MMP9: variants seen among roughly 807,000 people sequenced by gnomAD.
MMP9 encodes matrix metalloproteinase-9.
A neutral mutation model predicts 76.4 loss-of-function variants in MMP9; 73 were observed. The observed-to-expected ratio is 0.96, with a 90% CI of 0.79 to 1.16. The LOEUF (loss-of-function observed/expected upper bound fraction) is 1.16, where lower values mean the gene tolerates loss of function less well. Among genes scored for constraint, MMP9 ranks in the 50% most tolerant of loss-of-function variants. The probability of loss-of-function intolerance (pLI) is 0.00; values close to 1 mark genes in which losing one functional copy is unlikely to be tolerated. For missense variants in MMP9, 943 were observed against 973.0 expected (o/e 0.97, Z 0.41); for synonymous variants, 412 against 408.4 (o/e 1.01, Z -0.11).
rs1378687282 is a variant in MMP9, at chr20:46,014,385, C to T, written c.1916C>T (p.Ala639Val). ...GRRLWRFDVK[A>V]QMVDPRSASE... ...CCTGCCCGCAGGTTCGACGTGAAGG[C>T]GCAGATGGTGGATCCCCGGAGCGCC... The change falls in exon 12 of 13, where the codon GCG becomes GTG. Residue 639 changes from alanine to valine, a missense_variant. Physicochemically the swap from Ala to Val is moderately conservative, Grantham distance 64. Transcript: ENST00000372330. 3 of 1,548,750 alleles carry T rather than the reference C, an allele frequency of 1.9e-6. No homozygotes were observed. Among genetic ancestry groups the T allele is most frequent in the Admixed American group, 3.9e-5 (2 of 50,998 alleles).
At chr20:46,011,483 A>C in intron 5 of MMP9, 91 bp from the exon 6 acceptor site, 2 of 1,573,254 alleles carry the variant, frequency 1.3e-6, no homozygotes, top group Non-Finnish European at 1.7e-6. Flanking sequence ...TGAACTGCAG[A>C]CCATCCATGG....
chr20:46,010,420 G>T, intron 2 of MMP9, 63 bp from the exon 3 acceptor site: 1 of 1,589,044 alleles, frequency 6.3e-7, no homozygotes, highest in East Asian at 2.2e-5. Flanking sequence ...GATATGGGGT[G>T]TCCCTGCTGC....
chr20:46,014,491 A>G lies in MMP9; in HGVS notation c.2005+17A>G, dbSNP rs1425090630. 1.3e-6 allele frequency: 2 copies of G among 1,547,676 alleles called. No homozygotes were observed. The highest frequency in any genetic ancestry group is 1.2e-5 in the South Asian group (1 of 84,028). On this transcript the variant is annotated intron_variant, in intron 12 of 12. Coordinates refer to ENST00000372330, the MANE Select transcript of MMP9 (RefSeq NM_004994.3). ...AGTACCGAGGTGAGGGCTGAGGAGG[A>G]TCCCTTCGTGAGACACCACACTAAG...
intron 8 of MMP9, 36 bp downstream of exon 8, chr20:46,012,618 A>G: frequency 2.9e-6 from 4 of 1,367,556 alleles, no homozygotes; most frequent in Non-Finnish European, 2.0e-6. Flanking sequence ...AGGAGGGGAA[A>G]GGGCGTGGCT....
chr20:46,013,523 G>T lies in MMP9; in HGVS notation c.1599G>T (p.Leu533Phe). Reference protein sequence around the residue: ...AIAEIGNQLYLFKDGKYWRFS... With the variant: ...AIAEIGNQLYFFKDGKYWRFS... ...CGGAGATTGGGAACCAGCTGTATTTGTTCAAGGATGGGTGAGGAGGCGGGG... is the reference window on the plus strand; with the variant it reads ...CGGAGATTGGGAACCAGCTGTATTTTTTCAAGGATGGGTGAGGAGGCGGGG... Residue 533 changes from leucine to phenylalanine, a missense_variant, in exon 9 of 13, where the codon TTG becomes TTT. Leu to Phe is a conservative substitution (Grantham distance 22, BLOSUM62 0). Coordinates refer to ENST00000372330, the MANE Select transcript of MMP9 (RefSeq NM_004994.3). This position sits in a 1 kb window ranked among gnomAD's most constrained non-coding sequence, Gnocchi z 4.5. 2 of 1,613,998 alleles carry T rather than the reference G, an allele frequency of 1.2e-6. No homozygotes were observed. Among genetic ancestry groups the T allele is most frequent in the South Asian group, 2.2e-5 (2 of 91,032 alleles).
chr20:46,012,129 C>G lies in MMP9; in HGVS notation c.998-8C>G. On this transcript the variant is annotated splice_polypyrimidine_tract_variant and splice_region_variant and intron_variant, in intron 6 of 12. Coordinates refer to ENST00000372330, the MANE Select transcript of MMP9 (RefSeq NM_004994.3). ...ATCTGGCTCATCCAAGGCCTTGGGT[C>G]TCTCCAGCTGACTCGACGGTGATGG... The G allele has an allele frequency of 1.2e-6, 2 of 1,613,748 alleles. No individual in the cohort carries two copies. The highest frequency in any genetic ancestry group is 1.7e-6 in the Non-Finnish European group (2 of 1,179,812).
In MMP9 at chr20:46,010,039, G is replaced by A. The variant is rs1275316607; in HGVS notation, c.312G>A (p.Leu104=). 3.2e-6 allele frequency: 5 copies of A among 1,551,436 alleles called. No homozygotes were observed. The highest frequency in any genetic ancestry group is 4.4e-6 in the Non-Finnish European group (5 of 1,146,976). Residue 104 remains leucine (L), a synonymous_variant, in exon 2 of 13, where the codon CTG becomes CTA. Coordinates refer to ENST00000372330, the MANE Select transcript of MMP9 (RefSeq NM_004994.3). The stretch of plus-strand genomic sequence containing the variant: ...CCCCACGGTGCGGGGTCCCAGACCT[G>A]GGCAGATTCCAAACCTTTGAGGGCG... The part of the protein sequence containing the change: ...MRTPRCGVPD[L]GRFQTFEGDL...
In MMP9 at chr20:46,013,301, G is replaced by A. The variant is rs1053503107; in HGVS notation, c.1377G>A (p.Pro459=). Residue 459 remains proline (P), a synonymous_variant, in exon 9 of 13, where the codon CCG becomes CCA. Coordinates refer to ENST00000372330, the MANE Select transcript of MMP9 (RefSeq NM_004994.3). This position sits in a 1 kb window ranked among gnomAD's most constrained non-coding sequence, Gnocchi z 4.5. ...CACGGCCTCCAACCACCACCACACC[G>A]CAGCCCACGGCTCCCCCGACGGTCT... ...PEPRPPTTTT[P]QPTAPPTVCP... is the part of the protein sequence containing the mutation. 3.7e-6 allele frequency: 6 copies of A among 1,613,722 alleles called. No individual in the cohort carries two copies. The highest frequency in any genetic ancestry group is 1.7e-5 in the Admixed American group (1 of 59,962).
chr20:46,010,321 C>CAAAAA lies in MMP9; in HGVS notation c.372-146_372-142dup, dbSNP rs58031394. Among the ~76,000 whole-genome samples, 39 of 62,446 alleles carry CAAAAA rather than the reference C, an allele frequency of 6.2e-4. 5 individuals carry two copies. The highest frequency in any genetic ancestry group is 7.8e-4 in the African/African-American group (9 of 11,498). The allele number at this position is 62,446 out of a possible 152,430, so 41.0% of individuals were successfully genotyped here. A position where few individuals can be genotyped will look rare whatever the true frequency, so the allele number is the denominator to read the frequency against. On this transcript the variant is annotated intron_variant, in intron 2 of 12. Coordinates refer to ENST00000372330, the MANE Select transcript of MMP9 (RefSeq NM_004994.3). Reference sequence around the variant, plus strand: ...GGGCCATTGTGAGGGTCTAAGTAGACAAAAAAAAAAAAAAAAAAAACAGTC... The same window carrying CAAAAA: ...GGGCCATTGTGAGGGTCTAAGTAGACAAAAAAAAAAAAAAAAAAAAAAAAACAGTC...
rs558504372 is a variant in MMP9, at chr20:46,012,653, G to A, written c.1330+71G>A. On this transcript the variant is annotated intron_variant, in intron 8 of 12. Coordinates refer to ENST00000372330, the MANE Select transcript of MMP9 (RefSeq NM_004994.3). ...TGTGCCACAGTACCAAAGAATTGGG[G>A]GTTGGGGATCGGGGGAGGAACGGGG... The A allele has an allele frequency of 2.2e-5, 34 of 1,580,982 alleles. No homozygotes were observed. The African/African-American group carries it at 3.8e-4, about 18-fold the overall frequency.
chr20:46,009,772 C>T (rs1247770703), intron 1 of MMP9, 94 bp from the exon 2 acceptor site: 1 of 1,071,350 alleles, frequency 9.3e-7, no homozygotes, highest in Admixed American at 2.0e-5. Context: ...AGAAAAAAGA[C>T]TCCCTCCATG....
rs1263490093 is a variant in MMP9, at chr20:46,010,972, G to C, written c.571G>C (p.Ala191Pro). 4 of 1,614,104 alleles carry C rather than the reference G, an allele frequency of 2.5e-6. No homozygotes were observed. The highest frequency in any genetic ancestry group is 3.3e-5 in the Admixed American group (2 of 60,012). The change falls in exon 4 of 13, where the codon GCC becomes CCC. Residue 191 changes from alanine to proline, a missense_variant. Transcript: ENST00000372330. The stretch of plus-strand genomic sequence containing the variant: ...CGGGAAGGACGGGCTCCTGGCACAC[G>C]CCTTTCCTCCTGGCCCCGGCATTCA... ...FDGKDGLLAH[A>P]FPPGPGIQGD...
chr20:46,012,540 C>T lies in MMP9; in HGVS notation c.1288C>T (p.Pro430Ser), dbSNP rs754588801. ...TATGTACCGCTTCACTGAGGGGCCCCCCTTGCATAAGGACGACGTGAATGG... is the reference window on the plus strand; with the variant it reads ...TATGTACCGCTTCACTGAGGGGCCCTCCTTGCATAAGGACGACGTGAATGG... ...YPMYRFTEGP[P>S]LHKDDVNGIR... Residue 430 changes from proline to serine, a missense_variant, in exon 8 of 13, where the codon CCC (proline) becomes TCC (serine). Physicochemically the swap from Pro to Ser is moderately conservative, Grantham distance 74 (BLOSUM62 -1). Transcript: ENST00000372330. 3.7e-6 allele frequency: 6 copies of T among 1,613,944 alleles called. No homozygotes were observed. In the East Asian group the frequency reaches 1.1e-4, roughly 30 times the overall value.
At position 46,012,554 on chromosome 20, in the gene MMP9, C is replaced by A. The variant is rs1424297375; in HGVS notation, c.1302C>A (p.Asp434Glu). 5.6e-6 allele frequency: 9 copies of A among 1,613,688 alleles called. No individual in the cohort carries two copies. Among genetic ancestry groups the A allele is most frequent in the Non-Finnish European group, 7.6e-6 (9 of 1,179,998 alleles). ...RFTEGPPLHKDDVNGIRHLYG... is the reference protein window; with the variant it reads ...RFTEGPPLHKEDVNGIRHLYG... Reference sequence around the variant, plus strand: ...CTGAGGGGCCCCCCTTGCATAAGGACGACGTGAATGGCATCCGGCACCTCT... The same window carrying A: ...CTGAGGGGCCCCCCTTGCATAAGGAAGACGTGAATGGCATCCGGCACCTCT... Residue 434 changes from aspartate (D) to glutamate (E), a missense_variant, in exon 8 of 13, where the codon GAC (aspartate) becomes GAA (glutamate). Physicochemically the swap from Asp to Glu is conservative, Grantham distance 45 (BLOSUM62 2). Coordinates refer to ENST00000372330, the MANE Select transcript of MMP9 (RefSeq NM_004994.3).
chr20:46,015,169 G>A (rs947487208), intron 12 of MMP9, among the ~76,000 whole-genome samples: 2 of 152,134 alleles, frequency 1.3e-5, no homozygotes, highest in African/African-American at 4.8e-5. Context: ...CTCCACCCCC[G>A]TGTTCTCATC....
Position 46,014,653 on chromosome 20 carries a change from C to A in MMP9, c.2005+179C>A, listed in dbSNP as rs1251637429. On this transcript the variant is annotated intron_variant, in intron 12 of 12. Transcript: ENST00000372330. ...TCATTTAGGAAGTCAGGGATGCAAC[C>A]AAGACCAGGACCCAGATTTCCTGCC... is the stretch of plus-strand genomic sequence containing the variant. 3 of 696,730 alleles carry A rather than the reference C, an allele frequency of 4.3e-6. No individual in the cohort carries two copies. The African/African-American group carries it at 5.3e-5, about 12-fold the overall frequency. 43.2% of individuals were successfully genotyped at this position (696,730 alleles called of 1,614,324 possible).
rs2084271710 is a variant in MMP9 at position 46,010,521 on chromosome 20, T to C, written c.410T>C (p.Ile137Thr). ...NYSEDLPRAV[I>T]DDAFARAFAL... ...TCGGAAGACTTGCCGCGGGCGGTGA[T>C]TGACGACGCCTTTGCCCGCGCCTTC... The change falls in exon 3 of 13, where the codon ATT becomes ACT. Residue 137 changes from isoleucine (I) to threonine (T), a missense_variant. Transcript: ENST00000372330. The C allele has an allele frequency of 2.5e-6, 4 of 1,614,092 alleles. No homozygotes were observed. Among genetic ancestry groups the C allele is most frequent in the Non-Finnish European group, 3.4e-6 (4 of 1,180,050 alleles).
chr20:46,010,134 G>A (rs1027779066), intron 2 of MMP9, 36 bp downstream of exon 2: 17 of 1,483,906 alleles, frequency 1.1e-5, no homozygotes, highest in African/African-American at 2.8e-5. Context: ...GGGTGGGGCG[G>A]GGAGGCCAGG....
At chr20:46,016,157 T>C in intron 12 of MMP9, 93 bp from the exon 13 acceptor site, 1 of 1,199,860 alleles carries the variant, frequency 8.3e-7, no homozygotes, top group Non-Finnish European at 1.2e-6. Context: ...GTTCTAGAAA[T>C]GGCAGAAGAG....
Sources: allele counts gnomAD v4.1 joint callset (sites outside exome capture counted in the v4.1 genomes callset), GRCh38; gene constraint gnomAD v4.1.1; non-coding constraint Gnocchi (gnomAD v3.1); transcripts MANE v1.5; gene names NCBI Gene and HGNC (gene_info 2026-07-23, HGNC 2026-07-21).